The following MAP2K4 variants were observed in gnomAD, a reference collection of about 807,000 sequenced individuals.
The protein encoded by MAP2K4 is dual specificity mitogen-activated protein kinase kinase 4.
MAP2K4 carries 4 observed loss-of-function variants against 48.5 expected under a neutral mutation model. The ratio of observed to expected loss-of-function variants is 0.08; its 90% CI spans 0.04 to 0.19. MAP2K4 has a LOEUF of 0.19. Among genes scored for constraint, MAP2K4 ranks in the 10% least tolerant of loss-of-function variants. The pLI is 1.00. For missense variants in MAP2K4, 258 were observed against 493.3 expected (o/e 0.52, Z 4.52); for synonymous variants, 166 against 173.1 (o/e 0.96, Z 0.32).
chr17:12,114,878 C>T (rs1039292594), intron 7 of MAP2K4, among the ~76,000 whole-genome samples: 2 of 152,174 alleles, frequency 1.3e-5, no homozygotes, highest in African/African-American at 4.8e-5. Context: ...AGATGTAAGA[C>T]TTCTGTTTTC....
chr17:12,032,623 T>C (rs1969475049), intron 1 of MAP2K4, among the ~76,000 whole-genome samples: 2 of 152,182 alleles, frequency 1.3e-5, no homozygotes, highest in African/African-American at 4.8e-5. Context: ...GAATTCACTT[T>C]TAAGATCGTG....
In MAP2K4 at chr17:12,142,920, C is replaced by T. The variant is rs548929345; in HGVS notation, c.*1660C>T. 2.1e-4 allele frequency: 50 copies of T among 232,634 alleles called. No individual in the cohort carries two copies. The South Asian group carries it at 5.1e-3, about 24-fold the overall frequency. 14.4% of individuals were successfully genotyped at this position (232,634 alleles called of 1,614,324 possible). A position where few individuals can be genotyped will look rare whatever the true frequency, so the allele number is the denominator to read the frequency against. ...AGGTGATGCCATTACAGAACCAAAT[C>T]GTGGCACGTATTGCTGTGTCTCCTC... On this transcript the variant is annotated 3_prime_UTR_variant, in exon 11 of 11. Transcript: ENST00000353533.
intron 6 of MAP2K4, chr17:12,112,991 T>G: frequency 3.2e-6 from 1 of 309,298 alleles, no homozygotes. Context: ...TCTTACAGAT[T>G]AATGTTTGTG....
At chr17:12,093,077 A>ATCAGCAG (rs1286498726) in intron 3 of MAP2K4, among the ~76,000 whole-genome samples, 1 of 152,184 alleles carries the variant, frequency 6.6e-6, no homozygotes, top group Non-Finnish European at 1.5e-5. Flanking sequence ...CAGATGCAAT[A>ATCAGCAG]CCAGCAGCTA....
chr17:12,046,348 T>G (rs1338121070), intron 1 of MAP2K4, among the ~76,000 whole-genome samples: 1 of 152,190 alleles, frequency 6.6e-6, no homozygotes. Context: ...TTATTTCGGA[T>G]AAGCTTTTTA....
At chr17:12,109,254 A>G (rs1007708067) in intron 5 of MAP2K4, among the ~76,000 whole-genome samples, 13 of 152,174 alleles carry the variant, frequency 8.5e-5, no homozygotes, top group Non-Finnish European at 1.9e-4. Context: ...AAAACAGAAA[A>G]TTATTTTATC....
At chr17:12,130,037 A>G (rs1415625115) in intron 9 of MAP2K4, among the ~76,000 whole-genome samples, 4 of 152,298 alleles carry the variant, frequency 2.6e-5, no homozygotes, top group African/African-American at 9.6e-5. Context: ...AAGACATGCT[A>G]TGAACAAAAA....
At chr17:12,077,219 C>T (rs1318466006) in intron 2 of MAP2K4, among the ~76,000 whole-genome samples, 3 of 152,198 alleles carry the variant, frequency 2.0e-5, no homozygotes, top group Non-Finnish European at 4.4e-5. Context: ...GCTGGAACTG[C>T]TCTGTGGATT....
intron 1 of MAP2K4, among the ~76,000 whole-genome samples, chr17:12,034,918 T>C (rs1412246310): frequency 6.6e-6 from 1 of 152,174 alleles, no homozygotes; most frequent in Non-Finnish European, 1.5e-5. Flanking sequence ...GATGTGTCTG[T>C]GCTGGCTCAG....
At chr17:12,026,021 A>T (rs1052167730) in intron 1 of MAP2K4, among the ~76,000 whole-genome samples, 1 of 152,182 alleles carries the variant, frequency 6.6e-6, no homozygotes, top group East Asian at 1.9e-4. Flanking sequence ...ACATAACCTC[A>T]TACAAGTTCA....
intron 4 of MAP2K4, among the ~76,000 whole-genome samples, chr17:12,096,062 A>C (rs1321222576): frequency 1.6e-4 from 4 of 25,358 alleles, no homozygotes; most frequent in South Asian, 1.7e-3. Flanking sequence ...GCCTTGAGCA[A>C]CGCCTCCCCC....
At chr17:12,103,777 AT>A (rs1972018991) in intron 4 of MAP2K4, among the ~76,000 whole-genome samples, 1 of 152,126 alleles carries the variant, frequency 6.6e-6, no homozygotes, top group Non-Finnish European at 1.5e-5. Flanking sequence ...TTTATTGTAC[AT>A]TTTATTCAAC....
chr17:12,042,916 G>A (rs1335287461), intron 1 of MAP2K4, among the ~76,000 whole-genome samples: 3 of 151,820 alleles, frequency 2.0e-5, no homozygotes, highest in African/African-American at 4.8e-5. Flanking sequence ...GCGTAGTGGC[G>A]GGGGCCTGTA....
intron 1 of MAP2K4, chr17:12,021,330 C>T (rs978700929): frequency 5.9e-6 from 1 of 169,678 alleles, no homozygotes; most frequent in African/African-American, 2.4e-5. Flanking sequence ...TACCTGGCGC[C>T]CGCCCGGCCC....
chr17:12,116,636 T>C (rs1032437385), intron 7 of MAP2K4, among the ~76,000 whole-genome samples: 3 of 152,218 alleles, frequency 2.0e-5, no homozygotes, highest in Non-Finnish European at 4.4e-5. Context: ...TAAACTTTTT[T>C]GTTAAAAACT....
At chr17:12,051,290 A>G (rs953557344) in intron 1 of MAP2K4, among the ~76,000 whole-genome samples, 1 of 152,194 alleles carries the variant, frequency 6.6e-6, no homozygotes, top group Admixed American at 6.5e-5. Context: ...CTTGGTTGCA[A>G]ACAACAAAGA....
chr17:12,040,152 T>A (rs1022069384), intron 1 of MAP2K4, among the ~76,000 whole-genome samples: 1 of 152,190 alleles, frequency 6.6e-6, no homozygotes, highest in African/African-American at 2.4e-5. Flanking sequence ...TCCGTCAGCC[T>A]TTCATCTGGT....
chr17:12,138,957 T>C (rs1020847613), intron 9 of MAP2K4, among the ~76,000 whole-genome samples: 2 of 152,096 alleles, frequency 1.3e-5, no homozygotes, highest in Admixed American at 1.3e-4. Flanking sequence ...AAGAGGCCGA[T>C]AGTAAAGGGT....
intron 7 of MAP2K4, among the ~76,000 whole-genome samples, chr17:12,116,903 T>C (rs1972518180): frequency 6.6e-6 from 1 of 152,186 alleles, no homozygotes; most frequent in Non-Finnish European, 1.5e-5. Flanking sequence ...TGACTGGCAG[T>C]GCAATAGGTT....
Sources: gnomAD v4.1 joint callset for allele counts (sites outside exome capture counted in the v4.1 genomes callset) on GRCh38, gnomAD v4.1.1 for gene constraint, MANE v1.5 for transcripts, NCBI Gene and HGNC (gene_info 2026-07-23, HGNC 2026-07-21) for gene names.